Variants in GAS7 observed in about 807,000 individuals in gnomAD.
GAS7 encodes growth arrest specific 7, also known as growth arrest-specific protein 7.
Under a neutral mutation model 71.1 loss-of-function variants are expected in GAS7, and 28 were observed. That is an observed-to-expected ratio of 0.39 (90% CI 0.29 to 0.54). GAS7 has a LOEUF of 0.54. Ranked by LOEUF, GAS7 falls within the 20% of genes least tolerant of loss-of-function variation. GAS7 has a pLI of 0.62. For missense variants in GAS7, 436 were observed against 627.8 expected, an observed-to-expected ratio of 0.69 and a Z score of 3.27; for synonymous variants, 258 against 245.8, an observed-to-expected ratio of 1.05 and a Z score of -0.46.
At chr17:10,004,826 A>G (rs2071404335) in intron 2 of GAS7, among the ~76,000 whole-genome samples, 1 of 152,134 alleles carries the variant, frequency 6.6e-6, no homozygotes, top group African/African-American at 2.4e-5. Context: ...CCTGACCAAC[A>G]TGGTGAAATC....
chr17:9,994,485 A>G (rs1292364543), intron 2 of GAS7, among the ~76,000 whole-genome samples: 1 of 144,638 alleles, frequency 6.9e-6, no homozygotes, highest in Non-Finnish European at 1.5e-5. Context: ...CATATGTAGA[A>G]AGCTGAAACT....
Position 9,981,973 on chromosome 17 carries a change from G to C in GAS7, c.305-89C>G. On this transcript the variant is annotated intron_variant, in intron 2 of 13. Coordinates refer to ENST00000432992, the MANE Select transcript of GAS7 (RefSeq NM_201433.2). This position sits in a 1 kb window ranked among gnomAD's most constrained non-coding sequence, Gnocchi z 4.4. ...AGAGCAGAAGGAGATGCTCAGAGCTGGAGAAAAAGAGAGACAGCCAATCGC... is the reference window on the plus strand; with the variant it reads ...AGAGCAGAAGGAGATGCTCAGAGCTCGAGAAAAAGAGAGACAGCCAATCGC... 1.3e-6 allele frequency: 1 copy of C among 777,742 alleles called. No individual in the cohort carries two copies. The highest frequency in any genetic ancestry group is 2.3e-4 in the Middle Eastern group (1 of 4,278). 48.2% of individuals were successfully genotyped at this position (777,742 alleles called of 1,614,324 possible).
At chr17:10,078,132 C>T (rs1220356622) in intron 1 of GAS7, among the ~76,000 whole-genome samples, 2 of 151,818 alleles carry the variant, frequency 1.3e-5, no homozygotes, top group Admixed American at 6.6e-5. Flanking sequence ...CACTCTGTCA[C>T]CTAGGCTGGA....
chr17:9,981,717 A>G lies in GAS7; in HGVS notation c.385+87T>C, dbSNP rs1289482737. Reference sequence around the variant, plus strand: ...TGGGTTTGCTACATCAGCCAGGTTTAAGACCCAGGACCCATCATCTCAGCC... The same window carrying G: ...TGGGTTTGCTACATCAGCCAGGTTTGAGACCCAGGACCCATCATCTCAGCC... On this transcript the variant is annotated intron_variant, in intron 3 of 13. Transcript: ENST00000432992. This position sits in a 1 kb window ranked among gnomAD's most constrained non-coding sequence, Gnocchi z 4.4. The G allele has an allele frequency of 1.2e-6, 1 of 803,572 alleles. No individual in the cohort carries two copies. The highest frequency in any genetic ancestry group is 2.2e-6 in the Non-Finnish European group (1 of 464,470). The allele number at this position is 803,572 out of a possible 1,614,324, so 49.8% of individuals were successfully genotyped here. A position where few individuals can be genotyped will look rare whatever the true frequency, so the allele number is the denominator to read the frequency against.
At chr17:9,952,328 C>T (rs923948088) in intron 5 of GAS7, among the ~76,000 whole-genome samples, 1 of 152,180 alleles carries the variant, frequency 6.6e-6, no homozygotes, top group Admixed American at 6.5e-5. Context: ...CACAGATAAA[C>T]AAGCCACAGA....
chr17:9,927,597 C>T (rs567069063), intron 9 of GAS7, among the ~76,000 whole-genome samples: 10 of 152,312 alleles, frequency 6.6e-5, no homozygotes, highest in East Asian at 5.8e-4. Context: ...CCTTATTTTC[C>T]GAACTGAGAG....
chr17:10,196,952 C>A (rs2142160668), intron 1 of GAS7, among the ~76,000 whole-genome samples: 1 of 152,308 alleles, frequency 6.6e-6, no homozygotes, highest in African/African-American at 2.4e-5. Flanking sequence ...CAAGAGGGTT[C>A]CTGCAACATA....
intron 5 of GAS7, among the ~76,000 whole-genome samples, chr17:9,958,116 C>G (rs961930416): frequency 6.6e-6 from 1 of 152,164 alleles, no homozygotes; most frequent in African/African-American, 2.4e-5. Flanking sequence ...CCCATTTCCC[C>G]ACTTGACAGT....
intron 2 of GAS7, among the ~76,000 whole-genome samples, chr17:9,982,648 G>A (rs1374436585): frequency 6.6e-6 from 1 of 151,906 alleles, no homozygotes; most frequent in East Asian, 1.9e-4. Context: ...GTGGTGGCAC[G>A]TGCCTGTGAT....
intron 1 of GAS7, among the ~76,000 whole-genome samples, chr17:10,056,288 A>G (rs995609853): frequency 1.3e-5 from 2 of 152,086 alleles, no homozygotes; most frequent in Non-Finnish European, 2.9e-5. Flanking sequence ...TGAGCCCAGG[A>G]GTTCGAAACC....
intron 3 of GAS7, among the ~76,000 whole-genome samples, chr17:9,978,758 C>T (rs2070301122): frequency 6.6e-6 from 1 of 152,170 alleles, no homozygotes; most frequent in Non-Finnish European, 1.5e-5. Context: ...ATGTATGTCT[C>T]AGAATCAATG....
chr17:10,003,508 T>TC (rs2071353339), intron 2 of GAS7, among the ~76,000 whole-genome samples: 1 of 152,162 alleles, frequency 6.6e-6, no homozygotes, highest in South Asian at 2.1e-4. Context: ...CAGGACCCTA[T>TC]CCCAACATAT....
rs373703387 is a variant in GAS7, at chr17:10,120,196, A to G, written c.183+78012T>C. ...TGGAAGTGCTGGTCCAGGCCCCAGT[A>G]GAAGACACAGCTACCAACAGAAGGT... On this transcript the variant is annotated intron_variant, in intron 1 of 13. Coordinates refer to ENST00000432992, the MANE Select transcript of GAS7 (RefSeq NM_201433.2). 1.4e-4 allele frequency among the ~76,000 whole-genome samples: 21 copies of G among 148,868 alleles called. 1 individual carries two copies. The highest frequency in any genetic ancestry group is 8.3e-4 in the Admixed American group (12 of 14,496).
At chr17:9,957,503 G>A (rs2069292820) in intron 5 of GAS7, among the ~76,000 whole-genome samples, 1 of 152,218 alleles carries the variant, frequency 6.6e-6, no homozygotes, top group Non-Finnish European at 1.5e-5. Context: ...AACCCTCCAC[G>A]ACATAACACT....
In GAS7 at chr17:10,089,774, C is replaced by A. The variant is rs570811384; in HGVS notation, c.184-69877G>T. Among the ~76,000 whole-genome samples, 14 of 152,264 alleles carry A rather than the reference C, an allele frequency of 9.2e-5. No homozygotes were observed. The South Asian group carries it at 2.1e-3, about 23-fold the overall frequency. On this transcript the variant is annotated intron_variant, in intron 1 of 13. Coordinates refer to ENST00000432992, the MANE Select transcript of GAS7 (RefSeq NM_201433.2). ...CATTCCTTGTCTGTTATAACAGGAA[C>A]CTGGTAGTTTCAAAGTTAATAAATC...
chr17:10,005,246 C>T (rs1481109658), intron 2 of GAS7, among the ~76,000 whole-genome samples: 8 of 104,216 alleles, frequency 7.7e-5, no homozygotes, highest in South Asian at 2.9e-4. Flanking sequence ...TGCGCGCATG[C>T]ATGTGTGTGC....
chr17:10,052,920 T>C (rs1206499360), intron 1 of GAS7, among the ~76,000 whole-genome samples: 1 of 152,216 alleles, frequency 6.6e-6, no homozygotes, highest in Non-Finnish European at 1.5e-5. Context: ...CCCTTACTCA[T>C]GGGAGCTCCT....
intron 1 of GAS7, among the ~76,000 whole-genome samples, chr17:10,197,213 T>C (rs2074546877): frequency 6.6e-6 from 1 of 152,156 alleles, no homozygotes; most frequent in South Asian, 2.1e-4. Context: ...TCAGTCAAAA[T>C]TTGCTACTTT....
chr17:10,078,460 T>C (rs2073420804), intron 1 of GAS7, among the ~76,000 whole-genome samples: 1 of 152,150 alleles, frequency 6.6e-6, no homozygotes, highest in African/African-American at 2.4e-5. Flanking sequence ...ACCAAGTAAA[T>C]AAAACCAATT....
Sources: gnomAD v4.1 joint callset for allele counts (sites outside exome capture counted in the v4.1 genomes callset) on GRCh38, gnomAD v4.1.1 for gene constraint, Gnocchi (gnomAD v3.1) non-coding constraint, MANE v1.5 for transcripts, NCBI Gene and HGNC (gene_info 2026-07-23, HGNC 2026-07-21) for gene names.